The following USP42 variants were observed in gnomAD, a reference collection of about 807,000 sequenced individuals.
USP42 encodes the protein ubiquitin carboxyl-terminal hydrolase 42.
USP42 carries 23 observed loss-of-function variants against 113.0 expected under a neutral mutation model. The ratio of observed to expected loss-of-function variants is 0.20; its 90% confidence interval spans 0.15 to 0.29. The LOEUF is 0.29. Among genes scored for constraint, USP42 ranks in the 10% least tolerant of loss-of-function variants. The probability of loss-of-function intolerance (pLI) is 1.00; values close to 1 mark genes in which losing one functional copy is unlikely to be tolerated. For synonymous variants in USP42, 933 were observed against 699.0 expected (o/e 1.33, Z -5.28); for missense variants, 2,174 against 1,779.8 (o/e 1.22, Z -3.99).
intron 3 of USP42, among the ~76,000 whole-genome samples, chr7:6,116,067 G>A (rs1779894490): frequency 6.9e-6 from 1 of 145,592 alleles, no homozygotes. Flanking sequence ...TCGCACTGCT[G>A]TACTTCAGCC....
Position 6,154,307 on chromosome 7 carries a change from C to T in USP42, c.2753C>T (p.Pro918Leu), listed in dbSNP as rs746559038. Residue 918 changes from proline to leucine, a missense_variant, in exon 15 of 18, where the codon CCT becomes CTT. By Grantham distance (98) the Pro-to-Leu change is moderately conservative. Coordinates refer to ENST00000306177, the MANE Select transcript of USP42 (RefSeq NM_032172.3). ...GGTCACCCGGAAGGGGACGCTGAGC[C>T]TAGCCCCGGCGAGAGGGTCGAGGAC... ...PAGHPEGDAE[P>L]SPGERVEDAA... The T allele has an allele frequency of 7.6e-6, 12 of 1,582,136 alleles. No individual in the cohort carries two copies. The highest frequency in any genetic ancestry group is 1.0e-5 in the Non-Finnish European group (12 of 1,164,822).
rs562899446 is a variant in USP42, at chr7:6,158,612, G to A, written c.3944-838G>A. 8.5e-5 allele frequency among the ~76,000 whole-genome samples: 13 copies of A among 152,336 alleles called. No individual in the cohort carries two copies. In the South Asian group the frequency reaches 2.7e-3, roughly 32 times the overall value. ...GGGACATTTGCCCATGGAGTGCTGGGGAAACAGCCGGAGATGAGGACAGGC... is the reference window on the plus strand; with the variant it reads ...GGGACATTTGCCCATGGAGTGCTGGAGAAACAGCCGGAGATGAGGACAGGC... On this transcript the variant is annotated intron_variant, in intron 16 of 17. Transcript: ENST00000306177. The surrounding 1 kb of genome is among the most constrained non-coding windows in gnomAD (Gnocchi z 4.2).
At chr7:6,120,259 C>T (rs1270470765) in intron 3 of USP42, among the ~76,000 whole-genome samples, 1 of 152,052 alleles carries the variant, frequency 6.6e-6, no homozygotes. Flanking sequence ...CCACTGCGCC[C>T]GGCCCTTTTT....
chr7:6,111,001 T>G (rs750052666), intron 1 of USP42, 124 bp from the exon 2 acceptor site: 1 of 953,516 alleles, frequency 1.0e-6, no homozygotes, highest in African/African-American at 1.6e-5. Context: ...TGTTTTTATA[T>G]TTGAGTGATG....
intron 3 of USP42, among the ~76,000 whole-genome samples, chr7:6,116,111 AAAAAAAAAAAC>A (rs1779897575): frequency 1.3e-5 from 2 of 151,470 alleles, no homozygotes; most frequent in African/African-American, 4.9e-5. Flanking sequence ...CTCAAAAAAA[AAAAAAAAAAAC>A]GTCTGATGCC....
At chr7:6,146,336 TTA>T (rs1781714116) in intron 11 of USP42, 88 bp downstream of exon 11, 371 of 780,444 alleles carry the variant, frequency 4.8e-4, no homozygotes, top group Middle Eastern at 6.3e-4. Flanking sequence ...ATTCAGTGTT[TTA>T]AAAAAAAAAA....
intron 9 of USP42, among the ~76,000 whole-genome samples, chr7:6,144,854 A>T (rs1318115647): frequency 5.3e-5 from 8 of 151,248 alleles, no homozygotes; most frequent in Non-Finnish European, 7.4e-5. Context: ...TGGGCAACAG[A>T]GTCAGATTCT....
chr7:6,085,055 C>G, the USP42 span: 2 of 151,078 alleles, frequency 1.3e-5, no homozygotes, highest in Non-Finnish European at 2.9e-5. Flanking sequence ...CCCTACTTTT[C>G]TCCCTGGCAT....
At chr7:6,149,539 C>A in intron 12 of USP42, 44 bp from the exon 13 acceptor site, 1 of 1,558,884 alleles carries the variant, frequency 6.4e-7, no homozygotes, top group Non-Finnish European at 8.7e-7. Flanking sequence ...TTTGTGTGAC[C>A]ATGTTTCTGG....
At chr7:6,124,221 C>A (rs1250631032) in intron 3 of USP42, among the ~76,000 whole-genome samples, 1 of 151,786 alleles carries the variant, frequency 6.6e-6, no homozygotes, top group Non-Finnish European at 1.5e-5. Context: ...ATATTTTTTC[C>A]ATCTTTTTAT....
chr7:6,160,126 C>T (rs1319320980), intron 17 of USP42, among the ~76,000 whole-genome samples: 1 of 151,064 alleles, frequency 6.6e-6, no homozygotes, highest in East Asian at 2.1e-4. Context: ...CCATTTTTCC[C>T]TTGAAAGGAA....
chr7:6,119,419 C>T (rs1197804575), intron 3 of USP42, among the ~76,000 whole-genome samples: 1 of 152,026 alleles, frequency 6.6e-6, no homozygotes, highest in Non-Finnish European at 1.5e-5. Context: ...TGCAGTGAGC[C>T]ATTATTGTGC....
At position 6,158,402 on chromosome 7, in the gene USP42, G is replaced by C. The variant is rs1035422373; in HGVS notation, c.3944-1048G>C. Among the ~76,000 whole-genome samples the C allele has an allele frequency of 2.6e-5, 4 of 152,210 alleles. No individual in the cohort carries two copies. Among genetic ancestry groups the C allele is most frequent in the African/African-American group, 7.2e-5 (3 of 41,450 alleles). Reference sequence around the variant, plus strand: ...TCCCCTCCTCCCAGGGGCTTTTGACGAATCTTCAGGGCTGCCCTGAGGCCT... The same window carrying C: ...TCCCCTCCTCCCAGGGGCTTTTGACCAATCTTCAGGGCTGCCCTGAGGCCT... On this transcript the variant is annotated intron_variant, in intron 16 of 17. Transcript: ENST00000306177. This position sits in a 1 kb window ranked among gnomAD's most constrained non-coding sequence, Gnocchi z 4.2.
chr7:6,111,241 C>T lies in USP42; in HGVS notation c.108C>T (p.Ala36=), dbSNP rs747020183. The part of the protein sequence containing the change: ...VSPGDMDAGS[A]SWGAVSSLND... Reference sequence around the variant, plus strand: ...CTGGAGACATGGATGCAGGTTCTGCCAGCTGGGGTGCTGTGTCTTCATTGA... The same window carrying T: ...CTGGAGACATGGATGCAGGTTCTGCTAGCTGGGGTGCTGTGTCTTCATTGA... The change falls in exon 2 of 18, where the codon GCC becomes GCT. Residue 36 remains alanine (A), a synonymous_variant. Coordinates refer to ENST00000306177, the MANE Select transcript of USP42 (RefSeq NM_032172.3). The T allele has an allele frequency of 1.2e-6, 2 of 1,608,960 alleles. No individual in the cohort carries two copies. Among genetic ancestry groups the T allele is most frequent in the East Asian group, 2.2e-5 (1 of 44,808 alleles).
intron 3 of USP42, among the ~76,000 whole-genome samples, chr7:6,119,610 C>A (rs1429841839): frequency 6.6e-6 from 1 of 152,200 alleles, no homozygotes; most frequent in Non-Finnish European, 1.5e-5. Flanking sequence ...ATATTTAAAT[C>A]AATTTGATGT....
chr7:6,150,607 A>G, intron 14 of USP42, 101 bp downstream of exon 14: 2 of 990,700 alleles, frequency 2.0e-6, no homozygotes, highest in South Asian at 2.8e-5. Context: ...TTTTATAATG[A>G]ACATTTTGAA....
At chr7:6,084,079 T>G in the USP42 span, among the ~76,000 whole-genome samples, 1 of 151,276 alleles carries the variant, frequency 6.6e-6, no homozygotes, top group East Asian at 1.9e-4. Context: ...CAGGCTGGAG[T>G]GCAGTGGCTC....
chr7:6,154,458 G>T lies in USP42; in HGVS notation c.2904G>T (p.Glu968Asp), dbSNP rs775585294. ...CGTCCAGCGGGGAGCCCGCCAGAGA[G>T]AGCAGGAGCAAGACTGAGGGCCACC... is the stretch of plus-strand genomic sequence containing the variant. ...ERSSSGEPARESRSKTEGHRH... is the reference protein window; with the variant it reads ...ERSSSGEPARDSRSKTEGHRH... The change falls in exon 15 of 18, where the codon GAG becomes GAT. Residue 968 changes from glutamate to aspartate, a missense_variant. Transcript: ENST00000306177. 6.4e-7 allele frequency: 1 copy of T among 1,563,262 alleles called. No individual in the cohort carries two copies.
chr7:6,091,718 T>C, the USP42 span, among the ~76,000 whole-genome samples: 309 of 61,580 alleles, frequency 5.0e-3, 3 homozygotes, highest in Non-Finnish European at 9.3e-3. Context: ...CACACACATA[T>C]ATATGTTGCT....
Sources: allele counts gnomAD v4.1 joint callset (sites outside exome capture counted in the v4.1 genomes callset), GRCh38; gene constraint gnomAD v4.1.1; non-coding constraint Gnocchi (gnomAD v3.1); transcripts MANE v1.5; gene names NCBI Gene and HGNC (gene_info 2026-07-23, HGNC 2026-07-21).